ABCA13: variants seen among roughly 807,000 people sequenced by gnomAD.
The protein encoded by ABCA13 is ATP-binding cassette sub-family A member 13.
ABCA13 carries 476 observed loss-of-function variants against 478.7 expected under a neutral mutation model. The observed-to-expected ratio is 0.99, with a 90% CI of 0.92 to 1.07. ABCA13 has a LOEUF of 1.07. Among genes scored for constraint, ABCA13 ranks in the 50% least tolerant of loss-of-function variants. The pLI is 0.00. For missense variants in ABCA13, 6,060 were observed against 5,910.6 expected (o/e 1.03, Z -0.83); for synonymous variants, 2,252 against 2,158.9 (o/e 1.04, Z -1.20).
At chr7:48,602,272 G>C (rs1323387138) in intron 58 of ABCA13, among the ~76,000 whole-genome samples, 1 of 152,072 alleles carries the variant, frequency 6.6e-6, no homozygotes, top group Non-Finnish European at 1.5e-5. Flanking sequence ...CATTGCTTTT[G>C]GTGTTTTAGT....
intron 47 of ABCA13, among the ~76,000 whole-genome samples, chr7:48,483,366 G>C (rs1828976103): frequency 6.6e-6 from 1 of 152,036 alleles, no homozygotes; most frequent in Non-Finnish European, 1.5e-5. Flanking sequence ...ATAGGTTTTT[G>C]CTTTTTGTTA....
chr7:48,385,875 C>T (rs1815103534), intron 35 of ABCA13, among the ~76,000 whole-genome samples: 1 of 152,132 alleles, frequency 6.6e-6, no homozygotes. Flanking sequence ...GATGGTATCT[C>T]ATTGTGGTTT....
intron 18 of ABCA13, among the ~76,000 whole-genome samples, chr7:48,281,133 A>T (rs1261738656): frequency 6.6e-6 from 1 of 152,214 alleles, no homozygotes; most frequent in Admixed American, 6.5e-5. Flanking sequence ...CACAAAATTG[A>T]TGCTTTGAAA....
chr7:48,418,190 G>A (rs1202245451), intron 41 of ABCA13, among the ~76,000 whole-genome samples: 3 of 152,290 alleles, frequency 2.0e-5, no homozygotes, highest in Admixed American at 1.3e-4. Flanking sequence ...CAACTTACTT[G>A]GGTAAATACC....
chr7:48,352,812 T>C (rs1809261196), intron 31 of ABCA13, among the ~76,000 whole-genome samples: 1 of 152,010 alleles, frequency 6.6e-6, no homozygotes, highest in South Asian at 2.1e-4. Context: ...TCCACTTACC[T>C]AACCTTGGGA....
At chr7:48,459,934 C>T (rs1826068700) in intron 43 of ABCA13, among the ~76,000 whole-genome samples, 1 of 152,106 alleles carries the variant, frequency 6.6e-6, no homozygotes, top group African/African-American at 2.4e-5. Flanking sequence ...CCTAAATATA[C>T]CACTAGTTCA....
At chr7:48,416,595 G>A (rs552054453) in intron 41 of ABCA13, among the ~76,000 whole-genome samples, 17 of 152,230 alleles carry the variant, frequency 1.1e-4, no homozygotes, top group Admixed American at 6.5e-4. Context: ...GACGACATTT[G>A]TTCTGCTTGA....
intron 53 of ABCA13, among the ~76,000 whole-genome samples, chr7:48,522,497 A>G (rs1832620444): frequency 6.6e-6 from 1 of 152,184 alleles, no homozygotes; most frequent in South Asian, 2.1e-4. Context: ...CTGTTCAGAT[A>G]TGAGATATGC....
chr7:48,309,790 T>G (rs74705596), intron 23 of ABCA13, among the ~76,000 whole-genome samples, 157 bp from the exon 24 acceptor site: 1 of 152,138 alleles, frequency 6.6e-6, no homozygotes, highest in African/African-American at 2.4e-5. Flanking sequence ...ATGTTGAGAA[T>G]CGAACCCCAG....
chr7:48,258,449 T>C (rs1453893812), intron 15 of ABCA13, among the ~76,000 whole-genome samples: 2 of 152,220 alleles, frequency 1.3e-5, no homozygotes, highest in African/African-American at 4.8e-5. Flanking sequence ...TTTTCATTTC[T>C]GATTGTTTAT....
At chr7:48,254,217 T>C (rs1173713040) in intron 15 of ABCA13, among the ~76,000 whole-genome samples, 1 of 152,108 alleles carries the variant, frequency 6.6e-6, no homozygotes, top group Non-Finnish European at 1.5e-5. Context: ...CAGTATCTAT[T>C]GTATGCTTTT....
intron 55 of ABCA13, among the ~76,000 whole-genome samples, chr7:48,549,844 G>T (rs1249627091): frequency 1.3e-5 from 2 of 151,822 alleles, no homozygotes; most frequent in African/African-American, 4.8e-5. Context: ...ATGTTTGTTG[G>T]CCAGTTGAAT....
chr7:48,614,301 C>T (rs1792323913), intron 58 of ABCA13, among the ~76,000 whole-genome samples: 1 of 151,230 alleles, frequency 6.6e-6, no homozygotes, highest in Non-Finnish European at 1.5e-5. Context: ...ATGCTTCTCT[C>T]CTATATATTT....
chr7:48,288,126 G>C, intron 20 of ABCA13, 48 bp downstream of exon 20: 1 of 1,517,584 alleles, frequency 6.6e-7, no homozygotes, highest in Non-Finnish European at 9.2e-7. Flanking sequence ...ATGACTATTG[G>C]CCCTTGCAAG....
chr7:48,500,554 G>A (rs1051603046), intron 48 of ABCA13, among the ~76,000 whole-genome samples: 11 of 152,058 alleles, frequency 7.2e-5, no homozygotes, highest in Non-Finnish European at 1.6e-4. Flanking sequence ...GATTTTTAAT[G>A]TATGTTTAAT....
intron 19 of ABCA13, among the ~76,000 whole-genome samples, chr7:48,286,332 T>C (rs1419343256): frequency 2.0e-5 from 3 of 152,150 alleles, no homozygotes; most frequent in Non-Finnish European, 4.4e-5. Flanking sequence ...TGCCCATTCA[T>C]CTCTCCCACC....
In ABCA13 at chr7:48,626,179, CA is replaced by C. The variant is rs149194848; in HGVS notation, c.14837+10805del. 9.5e-3 allele frequency among the ~76,000 whole-genome samples: 1,450 copies of C among 152,072 alleles called. 18 individuals are homozygous for C. The highest frequency in any genetic ancestry group is 0.034 in the African/African-American group (1,403 of 41,484). ...CCCTGTAAGAACTGGGCTAGACACT[CA>C]AATAAAAAAATTATGTAAGAAAGAC... On this transcript the variant is annotated intron_variant, in intron 59 of 61. Transcript: ENST00000435803.
chr7:48,440,135 A>G (rs1823385492), intron 42 of ABCA13, among the ~76,000 whole-genome samples: 1 of 152,186 alleles, frequency 6.6e-6, no homozygotes, highest in Non-Finnish European at 1.5e-5. Context: ...CATAAACTGC[A>G]TACATCTTAT....
rs1262720499 is a variant in ABCA13, at chr7:48,411,041, TTCTTTCTTTTTC to T, written c.12228+366_12228+377del. On this transcript the variant is annotated intron_variant, in intron 40 of 61. Transcript: ENST00000435803. Reference sequence around the variant, plus strand: ...TTTCTTTCTTTCTTTCTTTCTTTCTTTCTTTCTTTTTCTTTCTTTCTTTCTTTCTTTTTCTTT... The same window carrying T: ...TTTCTTTCTTTCTTTCTTTCTTTCTTTTTCTTTCTTTCTTTCTTTTTCTTT... 1.3e-3 allele frequency among the ~76,000 whole-genome samples: 139 copies of T among 111,168 alleles called. 2 individuals are homozygous for T. Among genetic ancestry groups the T allele is most frequent in the Non-Finnish European group, 2.0e-3 (100 of 50,662 alleles). 72.9% of individuals were successfully genotyped at this position (111,168 alleles called of 152,430 possible). A position where few individuals can be genotyped will look rare whatever the true frequency, so the allele number is the denominator to read the frequency against.
Sources: allele counts gnomAD v4.1 joint callset (sites outside exome capture counted in the v4.1 genomes callset), GRCh38; gene constraint gnomAD v4.1.1; transcripts MANE v1.5; gene names NCBI Gene and HGNC (gene_info 2026-07-23, HGNC 2026-07-21).